CYLD: variants seen among roughly 807,000 people sequenced by gnomAD.
CYLD encodes CYLD lysine 63 deubiquitinase.
A neutral mutation model predicts 104.5 loss-of-function variants in CYLD; 26 were observed. The ratio of observed to expected loss-of-function variants is 0.25; its 90% confidence interval spans 0.18 to 0.35. The LOEUF (loss-of-function observed/expected upper bound fraction) is 0.35, where lower values mean the gene tolerates loss of function less well. Ranked by LOEUF, CYLD falls within the 10% of genes least tolerant of loss-of-function variation. CYLD has a pLI of 1.00. For missense variants in CYLD, 703 were observed against 1,136.1 expected (o/e 0.62, Z 5.48); for synonymous variants, 385 against 399.9 (o/e 0.96, Z 0.45).
At chr16:50,765,002 C>T (rs1968341930) in intron 5 of CYLD, among the ~76,000 whole-genome samples, 1 of 152,164 alleles carries the variant, frequency 6.6e-6, no homozygotes, top group African/African-American at 2.4e-5. Context: ...TTTATGTATT[C>T]TTGCAGGGAT....
rs941521364 is a variant in CYLD, at chr16:50,796,599, G to A, written c.*91G>A. Reference sequence around the variant, plus strand: ...GGCAGTTCTGTTCACGTCCATTGCCGGCAATGGATGTCTTTGTGGTGATGA... The same window carrying A: ...GGCAGTTCTGTTCACGTCCATTGCCAGCAATGGATGTCTTTGTGGTGATGA... On this transcript the variant is annotated 3_prime_UTR_variant, in exon 19 of 19. Transcript: ENST00000427738. 11 of 1,275,144 alleles carry A rather than the reference G, an allele frequency of 8.6e-6. No individual in the cohort carries two copies. The highest frequency in any genetic ancestry group is 2.3e-5 in the East Asian group (1 of 43,328). The allele number at this position is 1,275,144 out of a possible 1,614,324, so 79.0% of individuals were successfully genotyped here.
At chr16:50,745,362 G>GTTTTTTTTTTTTTTT (rs535675323) in intron 2 of CYLD, among the ~76,000 whole-genome samples, 2 of 78,750 alleles carry the variant, frequency 2.5e-5, no homozygotes, top group Non-Finnish European at 4.6e-5. Flanking sequence ...TTTCCTCTTT[G>GTTTTTTTTTTTTTTT]TTTTTTTTTT....
At chr16:50,782,579 C>CT in intron 11 of CYLD, 113 bp downstream of exon 11, 1 of 1,118,738 alleles carries the variant, frequency 8.9e-7, no homozygotes, top group East Asian at 2.4e-5. Flanking sequence ...CCATCTGCCT[C>CT]TGAGTAGAGA....
intron 11 of CYLD, 185 bp from the exon 12 acceptor site, chr16:50,784,144 G>A (rs1391951328): frequency 3.5e-6 from 2 of 579,522 alleles, no homozygotes; most frequent in African/African-American, 3.7e-5. Context: ...AGGATCTGTA[G>A]GTCCTGATGA....
chr16:50,781,078 T>G (rs988329097), intron 9 of CYLD, among the ~76,000 whole-genome samples, 168 bp from the exon 10 acceptor site: 1 of 152,196 alleles, frequency 6.6e-6, no homozygotes, highest in Non-Finnish European at 1.5e-5. Flanking sequence ...AGCTGTGGGC[T>G]GAAGCACTGA....
rs907722563 is a variant in CYLD at position 50,798,512 on chromosome 16, G to T, written c.*2004G>T. On this transcript the variant is annotated 3_prime_UTR_variant, in exon 19 of 19. Transcript: ENST00000427738. ...AAATTCTGTACCATTTTGTATCAGG[G>T]AATTGAGCATCTTCAGATGTTGGTA... 4.3e-6 allele frequency: 1 copy of T among 231,882 alleles called. No homozygotes were observed. Among genetic ancestry groups the T allele is most frequent in the Non-Finnish European group, 8.5e-6 (1 of 117,486 alleles). 14.4% of individuals were successfully genotyped at this position (231,882 alleles called of 1,614,324 possible).
At position 50,794,435 on chromosome 16, in the gene CYLD, A is replaced by G. The variant is rs1302792831; in HGVS notation, c.2686+7A>G. 1 of 1,613,990 alleles carries G rather than the reference A, an allele frequency of 6.2e-7. No homozygotes were observed. Among genetic ancestry groups the G allele is most frequent in the East Asian group, 2.2e-5 (1 of 44,876 alleles). ...AGCATGGCCGATCGGGATGGTACTG[A>G]AAACGCCTTTCTTCTGCATGTGGCA... On this transcript the variant is annotated splice_region_variant and intron_variant, in intron 18 of 18. Transcript: ENST00000427738. This position sits in a 1 kb window ranked among gnomAD's most constrained non-coding sequence, Gnocchi z 4.1.
At chr16:50,743,511 C>A (rs1311022424) in intron 2 of CYLD, among the ~76,000 whole-genome samples, 1 of 152,152 alleles carries the variant, frequency 6.6e-6, no homozygotes, top group Non-Finnish European at 1.5e-5. Context: ...GCAGATAAGG[C>A]TTGTTATATA....
intron 7 of CYLD, among the ~76,000 whole-genome samples, chr16:50,777,590 ACTCCTGT>A (rs1969815119): frequency 6.6e-6 from 1 of 151,708 alleles, no homozygotes; most frequent in Non-Finnish European, 1.5e-5. Flanking sequence ...CTTTTAACTT[ACTCCTGT>A]TTCCCTCCTA....
rs1358166316 is a variant in CYLD, at chr16:50,787,790, T to C, written c.2046T>C (p.Pro682=). Residue 682 remains proline, a synonymous_variant, in exon 14 of 19, where the codon CCT becomes CCC. Transcript: ENST00000427738. The part of the protein sequence containing the change: ...ASGFTSEEKD[P]EEFLNILFHH... ...GATTTTTAAATTTTCTCCTAGATCC[T>C]GAGGAATTCTTGAATATTCTGTTTC... 6.5e-7 allele frequency: 1 copy of C among 1,541,512 alleles called. No individual in the cohort carries two copies. The highest frequency in any genetic ancestry group is 8.9e-7 in the Non-Finnish European group (1 of 1,119,164).
chr16:50,776,845 C>G (rs1969737626), intron 7 of CYLD, among the ~76,000 whole-genome samples: 1 of 152,138 alleles, frequency 6.6e-6, no homozygotes, highest in Non-Finnish European at 1.5e-5. Flanking sequence ...TTTGTTAACT[C>G]AGATGCGAGT....
Position 50,751,708 on chromosome 16 carries a change from A to C in CYLD, c.609A>C (p.Glu203Asp). The change falls in exon 4 of 19, where the codon GAA (glutamate) becomes GAC (aspartate). Residue 203 changes from glutamate to aspartate, a missense_variant. Glu to Asp is a conservative substitution (Grantham distance 45). Transcript: ENST00000427738. The part of the protein sequence containing the change: ...CGVFVALDKL[E>D]LIEDDDTALE... ...TGTTTGTTGCATTGGACAAGCTAGA[A>C]CTCATAGAAGATGATGACACTGCAT... 1 of 1,613,818 alleles carries C rather than the reference A, an allele frequency of 6.2e-7. No homozygotes were observed.
chr16:50,776,215 C>A lies in CYLD; in HGVS notation c.959C>A (p.Ala320Asp), dbSNP rs1969668169. The change falls in exon 7 of 19, where the codon GCC becomes GAC. Residue 320 changes from alanine (A) to aspartate (D), a missense_variant. This residue lies in a region of CYLD where 123 missense variants were observed against 213.3 expected (regional missense o/e 0.58). Coordinates refer to ENST00000427738, the MANE Select transcript of CYLD (RefSeq NM_001378743.1). ...VTQERRPPKL[A>D]FMSRGVGDKG... ...CAGGAAAGGAGGCCTCCCAAACTTG[C>A]CTTTATGTCAAGAGGTGTTGGGGAC... 1 of 1,613,360 alleles carries A rather than the reference C, an allele frequency of 6.2e-7. No homozygotes were observed. Among genetic ancestry groups the A allele is most frequent in the Non-Finnish European group, 8.5e-7 (1 of 1,179,664 alleles).
At chr16:50,753,682 G>A (rs938344514) in intron 4 of CYLD, among the ~76,000 whole-genome samples, 3 of 152,260 alleles carry the variant, frequency 2.0e-5, no homozygotes, top group South Asian at 4.2e-4. Flanking sequence ...GGTGCCCAGG[G>A]CAGTTGTCTG....
At chr16:50,791,928 C>A (rs538676754) in intron 15 of CYLD, among the ~76,000 whole-genome samples, 2 of 152,160 alleles carry the variant, frequency 1.3e-5, no homozygotes, top group Non-Finnish European at 2.9e-5. Flanking sequence ...AGCTAATCTG[C>A]GTAACTTGAA....
chr16:50,752,527 A>C (rs1966714737), intron 4 of CYLD, among the ~76,000 whole-genome samples: 1 of 152,242 alleles, frequency 6.6e-6, no homozygotes, highest in East Asian at 1.9e-4. Context: ...TAAAATATAC[A>C]TAACAAAATT....
chr16:50,776,497 T>G (rs547347823), intron 7 of CYLD, among the ~76,000 whole-genome samples: 3 of 152,338 alleles, frequency 2.0e-5, no homozygotes, highest in East Asian at 3.8e-4. Flanking sequence ...TAGGGTCTTG[T>G]GTGTTTTGCT....
At chr16:50,768,693 C>G (rs1968788319) in intron 5 of CYLD, among the ~76,000 whole-genome samples, 1 of 152,190 alleles carries the variant, frequency 6.6e-6, no homozygotes, top group Non-Finnish European at 1.5e-5. Context: ...TGAAGCATAT[C>G]AATTAGCACC....
intron 15 of CYLD, among the ~76,000 whole-genome samples, chr16:50,792,358 G>C (rs1338647159): frequency 6.6e-6 from 1 of 152,110 alleles, no homozygotes; most frequent in Admixed American, 6.5e-5. Flanking sequence ...TGAGACTCAA[G>C]ATTATTGAAC....
Sources: gnomAD v4.1 joint callset for allele counts (sites outside exome capture counted in the v4.1 genomes callset) on GRCh38, gnomAD v4.1.1 for gene constraint, gnomAD v4.1.1 regional missense constraint, Gnocchi (gnomAD v3.1) non-coding constraint, MANE v1.5 for transcripts, NCBI Gene and HGNC (gene_info 2026-07-23, HGNC 2026-07-21) for gene names.